Variants in CSGALNACT1 observed in about 807,000 individuals in gnomAD.
CSGALNACT1 encodes the protein chondroitin sulfate N-acetylgalactosaminyltransferase 1, also known as beta4GalNAcT-1.
A neutral mutation model predicts 51.0 loss-of-function variants in CSGALNACT1; 52 were observed. The ratio of observed to expected loss-of-function variants is 1.02; its 90% CI spans 0.82 to 1.29. The LOEUF (loss-of-function observed/expected upper bound fraction) is 1.29, where lower values mean the gene tolerates loss of function less well. CSGALNACT1 is among the 50% of genes most tolerant of loss of function. CSGALNACT1 has a pLI of 0.00. For missense variants in CSGALNACT1, 935 were observed against 679.2 expected (o/e 1.38, Z -4.19); for synonymous variants, 341 against 254.4 (o/e 1.34, Z -3.24).
chr8:19,755,103 T>C (rs987726160), intron 1 of CSGALNACT1, among the ~76,000 whole-genome samples: 8 of 152,204 alleles, frequency 5.3e-5, no homozygotes, highest in African/African-American at 7.2e-5. Flanking sequence ...GTGTTAGACA[T>C]GGAGGAAAGA....
chr8:19,570,482 G>C (rs1477717746), intron 3 of CSGALNACT1, among the ~76,000 whole-genome samples: 3 of 152,072 alleles, frequency 2.0e-5, no homozygotes, highest in Non-Finnish European at 4.4e-5. Flanking sequence ...ACCTAATCCG[G>C]ACACAAACAG....
intron 1 of CSGALNACT1, among the ~76,000 whole-genome samples, chr8:19,725,653 G>C (rs910674782): frequency 2.0e-5 from 3 of 151,884 alleles, no homozygotes; most frequent in African/African-American, 4.8e-5. Flanking sequence ...TCGAACTCCT[G>C]ACCTCGTGAT....
intron 1 of CSGALNACT1, among the ~76,000 whole-genome samples, chr8:19,612,572 T>C (rs905681182): frequency 1.6e-4 from 24 of 152,022 alleles, no homozygotes; most frequent in African/African-American, 5.6e-4. Context: ...CTAGGCACTC[T>C]AACCATCTTT....
intron 4 of CSGALNACT1, among the ~76,000 whole-genome samples, chr8:19,476,622 T>C (rs573676168): frequency 6.6e-6 from 1 of 152,304 alleles, no homozygotes; most frequent in Non-Finnish European, 1.5e-5. Flanking sequence ...CAGGGGCCTA[T>C]AACTGCATGA....
chr8:19,478,072 A>C (rs2070239850), intron 4 of CSGALNACT1, among the ~76,000 whole-genome samples: 1 of 152,184 alleles, frequency 6.6e-6, no homozygotes, highest in Non-Finnish European at 1.5e-5. Flanking sequence ...GTTAAACAGC[A>C]GTGTGCAACT....
chr8:19,746,049 G>T (rs980644954), intron 1 of CSGALNACT1, among the ~76,000 whole-genome samples: 3 of 152,008 alleles, frequency 2.0e-5, no homozygotes, highest in Non-Finnish European at 4.4e-5. Flanking sequence ...CCTGAGGGTT[G>T]GTTTTCTGAG....
intron 2 of CSGALNACT1, among the ~76,000 whole-genome samples, chr8:19,597,499 T>C (rs2049214089): frequency 6.6e-6 from 1 of 151,990 alleles, no homozygotes; most frequent in Non-Finnish European, 1.5e-5. Flanking sequence ...GATGGGGTCT[T>C]CTCACTATGT....
intron 3 of CSGALNACT1, among the ~76,000 whole-genome samples, chr8:19,533,446 A>G (rs923824202): frequency 2.6e-5 from 4 of 151,914 alleles, no homozygotes; most frequent in African/African-American, 9.7e-5. Context: ...ATTTAATTTA[A>G]TTTCCCTATT....
At chr8:19,480,561 A>G (rs1260169141) in intron 4 of CSGALNACT1, among the ~76,000 whole-genome samples, 1 of 152,166 alleles carries the variant, frequency 6.6e-6, no homozygotes, top group Non-Finnish European at 1.5e-5. Flanking sequence ...TGTTGTGAGT[A>G]GTGCTGCAAT....
upstream of CSGALNACT1, among the ~76,000 whole-genome samples, chr8:19,604,079 A>T (rs13261887): frequency 0.11 from 16,400 of 152,132 alleles, 896 homozygotes; most frequent in East Asian, 0.17. Context: ...TCAGCTCTGG[A>T]AAGTACATGT....
chr8:19,549,445 C>T (rs73589122), intron 3 of CSGALNACT1, among the ~76,000 whole-genome samples: 2,776 of 152,190 alleles, frequency 0.018, 24 homozygotes, highest in Middle Eastern at 0.048. Context: ...CACTCTAACA[C>T]AGAACTAGAA....
chr8:19,527,433 G>A (rs745924955), intron 3 of CSGALNACT1, among the ~76,000 whole-genome samples: 5 of 151,882 alleles, frequency 3.3e-5, no homozygotes, highest in East Asian at 1.9e-4. Context: ...AACCAACCCC[G>A]CCCCTCCAAC....
At chr8:19,439,125 T>C (rs1201288684) in intron 6 of CSGALNACT1, among the ~76,000 whole-genome samples, 1 of 152,210 alleles carries the variant, frequency 6.6e-6, no homozygotes, top group Non-Finnish European at 1.5e-5. Flanking sequence ...CTGGCTTACA[T>C]ACTGGTAGAA....
chr8:19,729,477 G>A (rs1260088547), intron 1 of CSGALNACT1, among the ~76,000 whole-genome samples: 2 of 152,172 alleles, frequency 1.3e-5, no homozygotes, highest in East Asian at 1.9e-4. Context: ...GTGAAGTAGT[G>A]AGTTTGCTGT....
chr8:19,662,064 ACCCCC>A lies in CSGALNACT1; in HGVS notation c.-544+20404_-544+20408del, dbSNP rs1281131821. 1.7e-3 allele frequency among the ~76,000 whole-genome samples: 62 copies of A among 37,108 alleles called. 1 individual carries two copies. The highest frequency in any genetic ancestry group is 5.6e-3 in the African/African-American group (56 of 10,056). 24.3% of individuals were successfully genotyped at this position (37,108 alleles called of 152,430 possible). On this transcript the variant is annotated intron_variant, in intron 1 of 9. Coordinates refer to the CSGALNACT1 transcript ENST00000332246. ...CTTTCCCACTATTACAGTTGCCCCC[ACCCCC>A]CCCCACCCCCCCCCCCCCCCGCATC...
intron 3 of CSGALNACT1, among the ~76,000 whole-genome samples, chr8:19,522,035 T>G (rs144630307): frequency 6.6e-6 from 1 of 152,222 alleles, no homozygotes. Context: ...TTGAGACCAT[T>G]TGAGCCCTGC....
At chr8:19,585,121 A>G (rs1168394282) in intron 3 of CSGALNACT1, 1 of 152,240 alleles carries the variant, frequency 6.6e-6, no homozygotes, top group Non-Finnish European at 1.5e-5. Context: ...TTACATACGT[A>G]AAATAGATTA....
intron 2 of CSGALNACT1, among the ~76,000 whole-genome samples, chr8:19,597,915 T>C (rs570307367): frequency 2.2e-4 from 34 of 152,278 alleles, no homozygotes; most frequent in African/African-American, 7.7e-4. Flanking sequence ...TAAATAATTA[T>C]GAACAATAGG....
At chr8:19,556,931 T>G (rs191029239) in intron 3 of CSGALNACT1, among the ~76,000 whole-genome samples, 48 of 130,586 alleles carry the variant, frequency 3.7e-4, no homozygotes, top group African/African-American at 1.3e-3. Flanking sequence ...AGGTGTGCTA[T>G]AAACAAACCA....
Sources: allele counts gnomAD v4.1 joint callset (sites outside exome capture counted in the v4.1 genomes callset), GRCh38; gene constraint gnomAD v4.1.1; transcripts MANE v1.5; gene names NCBI Gene and HGNC (gene_info 2026-07-23, HGNC 2026-07-21).